The following USP26 variants were observed in gnomAD, a reference collection of about 807,000 sequenced individuals.
USP26 encodes ubiquitin specific peptidase 26, also known as ubiquitin carboxyl-terminal hydrolase 26.
For missense variants in USP26, 649 were observed against 642.3 expected (o/e 1.01, Z -0.11); for synonymous variants, 236 against 240.6 (o/e 0.98, Z 0.18).
intron 4 of USP26, among the ~76,000 whole-genome samples, chrX:133,084,257 G>A (rs1024492644): frequency 3.6e-5 from 4 of 111,632 alleles, no homozygotes; most frequent in African/African-American, 9.8e-5. Context: ...GGAGGGCAGT[G>A]GTGTGATCAC....
At chrX:133,046,081 T>C (rs947658199) in intron 5 of USP26, 13 of 111,629 alleles carry the variant, frequency 1.2e-4, no homozygotes, top group African/African-American at 3.9e-4. Flanking sequence ...TATCCTTCTA[T>C]CAATGTCCTC....
chrX:133,094,697 C>T, intron 1 of USP26, among the ~76,000 whole-genome samples: 1 of 111,791 alleles, frequency 8.9e-6, no homozygotes, highest in Non-Finnish European at 1.9e-5. Context: ...ATATGATATC[C>T]CAAAAAACTT....
At chrX:133,041,106 G>T (rs756415912) in intron 5 of USP26, among the ~76,000 whole-genome samples, 2 of 110,758 alleles carry the variant, frequency 1.8e-5, no homozygotes, top group Non-Finnish European at 3.8e-5. Context: ...TTTTATCAAG[G>T]TTCTTCGCTT....
chrX:133,071,557 C>A (rs2067530669), intron 5 of USP26, among the ~76,000 whole-genome samples: 1 of 110,041 alleles, frequency 9.1e-6, no homozygotes, highest in Non-Finnish European at 1.9e-5. Flanking sequence ...ACTTTAAAAG[C>A]AACCCAACAA....
At chrX:133,033,279 T>C (rs755837899) in intron 5 of USP26, among the ~76,000 whole-genome samples, 1 of 112,060 alleles carries the variant, frequency 8.9e-6, no homozygotes, top group South Asian at 3.8e-4. Flanking sequence ...TCTTTTTCTT[T>C]CTCTAGTTTA....
At chrX:133,028,810 T>C (rs2067365771) in intron 5 of USP26, among the ~76,000 whole-genome samples, 2 of 112,004 alleles carry the variant, frequency 1.8e-5, no homozygotes, top group Admixed American at 9.5e-5. Flanking sequence ...AGATGAATTG[T>C]TCCTTGATTT....
rs1569509332 is a variant in USP26, at chrX:133,026,608, T to C, written c.1613A>G (p.Glu538Gly). ...EFCALKKNDQ[E>G]VIISKYLKVS... ...CTTTAAATATTTGGAAATGATGACT[T>C]CCTGGTCATTCTTCTTTAATGCACA... The change falls in exon 6 of 6, where the codon GAA becomes GGA. Residue 538 changes from glutamate to glycine, a missense_variant. Transcript: ENST00000511190. 8.3e-7 allele frequency: 1 copy of C among 1,207,553 alleles called. No individual in the cohort carries two copies. Among genetic ancestry groups the C allele is most frequent in the South Asian group, 1.8e-5 (1 of 56,427 alleles).
intron 4 of USP26, among the ~76,000 whole-genome samples, chrX:133,087,664 A>C (rs1040266619): frequency 2.7e-5 from 3 of 112,700 alleles, no homozygotes; most frequent in Admixed American, 1.9e-4. Context: ...ACTTTTAAAG[A>C]AAATGAAATT....
chrX:133,053,378 A>G (rs989634425), intron 5 of USP26, among the ~76,000 whole-genome samples: 1 of 110,190 alleles, frequency 9.1e-6, no homozygotes, highest in Non-Finnish European at 1.9e-5. Flanking sequence ...TCTCTATTGA[A>G]AATACAAAAA....
chrX:133,081,150 G>C (rs1262944526), intron 5 of USP26, among the ~76,000 whole-genome samples: 1 of 110,458 alleles, frequency 9.1e-6, no homozygotes, highest in Non-Finnish European at 1.9e-5. Flanking sequence ...AGGCTGAGAA[G>C]CTACGACTAA....
chrX:133,073,537 A>C (rs762822523), intron 5 of USP26, among the ~76,000 whole-genome samples: 1 of 110,635 alleles, frequency 9.0e-6, no homozygotes, highest in South Asian at 3.9e-4. Context: ...AGCGCTTACT[A>C]CTTTCTACCT....
intron 5 of USP26, among the ~76,000 whole-genome samples, chrX:133,044,574 G>A (rs1035008555): frequency 8.8e-6 from 1 of 113,237 alleles, no homozygotes; most frequent in Non-Finnish European, 1.9e-5. Context: ...GCCCACTGGC[G>A]GTGCGCTCGA....
chrX:133,043,558 CT>C (rs764723481), intron 5 of USP26, among the ~76,000 whole-genome samples: 13 of 112,596 alleles, frequency 1.2e-4, no homozygotes, highest in African/African-American at 4.2e-4. Context: ...AGTCCTGACA[CT>C]TGACTAAGGA....
chrX:133,048,285 A>G (rs1457944809), intron 5 of USP26, among the ~76,000 whole-genome samples: 1 of 112,040 alleles, frequency 8.9e-6, no homozygotes, highest in Non-Finnish European at 1.9e-5. Flanking sequence ...TTATAAAGTA[A>G]TTAATTCATG....
chrX:133,058,724 A>G (rs2148532040), intron 5 of USP26, among the ~76,000 whole-genome samples: 1 of 112,043 alleles, frequency 8.9e-6, no homozygotes, highest in African/African-American at 3.2e-5. Context: ...CTACATATTC[A>G]TACAATTCAC....
rs140685998 is a variant in USP26 at position 133,029,040 on chromosome X, G to A, written c.-76-744C>T. Among the ~76,000 whole-genome samples, 442 of 112,717 alleles carry A rather than the reference G, an allele frequency of 3.9e-3. 4 individuals carry two copies. The highest frequency in any genetic ancestry group is 0.013 in the African/African-American group (417 of 31,116). On this transcript the variant is annotated intron_variant, in intron 5 of 5. Transcript: ENST00000511190. ...TATAAGGCCCACTTAACCGGAGCTA[G>A]CTCCCTGTATTCAAAACCAGTGAGG...
At chrX:133,072,648 G>T (rs780678956) in intron 5 of USP26, among the ~76,000 whole-genome samples, 1 of 112,548 alleles carries the variant, frequency 8.9e-6, no homozygotes, top group East Asian at 2.8e-4. Context: ...GTGCCTTTTG[G>T]CAAGAATTTT....
chrX:133,027,341 A>G lies in USP26; in HGVS notation c.880T>C (p.Cys294Arg). ...LFFELFPEKI[C>R]HGLPNLGNTC... ...TTTCCCAAATTGGGGAGGCCGTGGC[A>G]TATTTTCTCTGGAAATAATTCAAAA... Residue 294 changes from cysteine to arginine, a missense_variant, in exon 6 of 6, where the codon TGC becomes CGC. Physicochemically the swap from Cys to Arg is radical, Grantham distance 180. Transcript: ENST00000511190. 8.3e-7 allele frequency: 1 copy of G among 1,210,686 alleles called. No individual in the cohort carries two copies. Among genetic ancestry groups the G allele is most frequent in the African/African-American group, 1.7e-5 (1 of 57,804 alleles).
intron 4 of USP26, among the ~76,000 whole-genome samples, chrX:133,084,442 T>C (rs2067581213): frequency 9.1e-6 from 1 of 110,381 alleles, no homozygotes; most frequent in African/African-American, 3.3e-5. Flanking sequence ...GAAGCTATCC[T>C]CCTGCCTTGG....
Sources: gnomAD v4.1 joint callset for allele counts (sites outside exome capture counted in the v4.1 genomes callset) on GRCh38, gnomAD v4.1.1 for gene constraint, MANE v1.5 for transcripts, NCBI Gene and HGNC (gene_info 2026-07-23, HGNC 2026-07-21) for gene names.